PTER: variants seen among roughly 807,000 people sequenced by gnomAD.
The protein encoded by PTER is phosphotriesterase related.
PTER carries 38 observed loss-of-function variants against 29.6 expected under a neutral mutation model. The ratio of observed to expected loss-of-function variants is 1.28; its 90% CI spans 0.99 to 1.68. The LOEUF is 1.68. Among genes scored for constraint, PTER ranks in the 40% most tolerant of loss-of-function variants. The pLI is 0.00. For synonymous variants in PTER, 172 were observed against 154.5 expected (o/e 1.11, Z -0.84); for missense variants, 482 against 427.8 (o/e 1.13, Z -1.12).
At position 16,511,076 on chromosome 10, in the gene PTER, A is replaced by T. The variant is rs1836790872; in HGVS notation, c.870A>T (p.Glu290Asp). Residue 290 changes from glutamate (E) to aspartate (D), a missense_variant, in exon 5 of 5, where the codon GAA becomes GAT. By Grantham distance (45) the Glu-to-Asp change is conservative. Transcript: ENST00000535784. ...RVRLLVEEGCEDRILVAHDIH... is the reference protein window; with the variant it reads ...RVRLLVEEGCDDRILVAHDIH... Reference sequence around the variant, plus strand: ...GTCTCCTGGTGGAAGAGGGCTGTGAAGATCGAATTCTGGTAGCACATGACA... The same window carrying T: ...GTCTCCTGGTGGAAGAGGGCTGTGATGATCGAATTCTGGTAGCACATGACA... 1.2e-6 allele frequency: 2 copies of T among 1,613,906 alleles called. No individual in the cohort carries two copies. Among genetic ancestry groups the T allele is most frequent in the Non-Finnish European group, 1.7e-6 (2 of 1,179,870 alleles).
At position 16,513,124 on chromosome 10, in the gene PTER, T is replaced by G. The variant is rs931687968; in HGVS notation, c.*1868T>G. ...TCACAGAATGCAGTTAAAGTATTGATTGGCATATGGTAATAGAGCAACCAT... is the reference window on the plus strand; with the variant it reads ...TCACAGAATGCAGTTAAAGTATTGAGTGGCATATGGTAATAGAGCAACCAT... On this transcript the variant is annotated 3_prime_UTR_variant, in exon 5 of 5. Coordinates refer to ENST00000535784, the MANE Select transcript of PTER (RefSeq NM_001261836.2). 2 of 152,198 alleles carry G rather than the reference T, an allele frequency of 1.3e-5. No homozygotes were observed. Among genetic ancestry groups the G allele is most frequent in the Non-Finnish European group, 2.9e-5 (2 of 67,980 alleles). The allele number at this position is 152,198 out of a possible 1,614,324, so 9.4% of individuals were successfully genotyped here.
At chr10:16,473,638 G>T (rs1262973530) in intron 1 of PTER, among the ~76,000 whole-genome samples, 1 of 149,186 alleles carries the variant, frequency 6.7e-6, no homozygotes, top group Non-Finnish European at 1.5e-5. Flanking sequence ...GTCTCTGGCC[G>T]AATGCTGTAA....
intron 1 of PTER, among the ~76,000 whole-genome samples, chr10:16,473,627 C>T (rs557383577): frequency 2.0e-5 from 3 of 147,232 alleles, no homozygotes; most frequent in South Asian, 4.4e-4. Context: ...TCTTTTTCTT[C>T]GTCTCTGGCC....
chr10:16,487,642 A>G (rs1224206207), intron 3 of PTER, among the ~76,000 whole-genome samples: 1 of 152,224 alleles, frequency 6.6e-6, no homozygotes, highest in East Asian at 1.9e-4. Flanking sequence ...CATAGGGGAC[A>G]GTAAAATGAA....
downstream of PTER, among the ~76,000 whole-genome samples, chr10:16,517,859 A>C (rs983708063): frequency 1.1e-4 from 17 of 152,194 alleles, no homozygotes; most frequent in African/African-American, 4.1e-4. Context: ...TCATAAACAA[A>C]AGGTTAAGTG....
intron 1 of PTER, among the ~76,000 whole-genome samples, chr10:16,468,041 A>T (rs911732634): frequency 6.6e-6 from 1 of 152,112 alleles, no homozygotes; most frequent in Non-Finnish European, 1.5e-5. Context: ...AATATATTAA[A>T]TAAAGATTCC....
Position 16,505,024 on chromosome 10 carries a change from ATTC to A in PTER, c.706_708del (p.Leu236del). 6.2e-7 allele frequency: 1 copy of A among 1,613,938 alleles called. No individual in the cohort carries two copies. The highest frequency in any genetic ancestry group is 1.1e-5 in the South Asian group (1 of 91,038). On this transcript the variant is annotated inframe_deletion, in exon 4 of 5. Transcript: ENST00000535784. ...CATCTGTCGCATTGTTTCTAGGACT[ATTC>A]TTGATAAGAAAGAGCTCTTGGAGTT... is the stretch of plus-strand genomic sequence containing the variant.
rs574275299 is a variant in PTER at position 16,466,281 on chromosome 10, C to G, written c.-48-18056C>G. On this transcript the variant is annotated intron_variant, in intron 1 of 4. Coordinates refer to ENST00000535784, the MANE Select transcript of PTER (RefSeq NM_001261836.2). ...AGCTCCCTGCTAGTGGCTGTCAGAC[C>G]TTTTTCTGTTATAACTACCTTTTTT... 8.0e-4 allele frequency among the ~76,000 whole-genome samples: 118 copies of G among 146,960 alleles called. 1 individual carries two copies. The highest frequency in any genetic ancestry group is 3.0e-4 in the Non-Finnish European group (20 of 67,188).
intron 3 of PTER, among the ~76,000 whole-genome samples, chr10:16,498,245 A>C (rs1836188097): frequency 6.6e-6 from 1 of 152,192 alleles, no homozygotes; most frequent in Non-Finnish European, 1.5e-5. Context: ...CCGACCTTAA[A>C]AGCTGGGAAA....
intron 1 of PTER, among the ~76,000 whole-genome samples, chr10:16,480,251 G>A (rs568228420): frequency 5.4e-5 from 8 of 149,396 alleles, no homozygotes; most frequent in South Asian, 2.1e-4. Flanking sequence ...GTGCAGTGGC[G>A]CAATCTTGAC....
At chr10:16,463,124 C>T (rs192064015) in intron 1 of PTER, among the ~76,000 whole-genome samples, 12 of 144,192 alleles carry the variant, frequency 8.3e-5, no homozygotes, top group Admixed American at 4.4e-4. Flanking sequence ...ACCCGGGAGG[C>T]GGAGGTTGCA....
chr10:16,466,780 C>T (rs1834852313), intron 1 of PTER, among the ~76,000 whole-genome samples: 1 of 152,162 alleles, frequency 6.6e-6, no homozygotes, highest in South Asian at 2.1e-4. Flanking sequence ...TTTAGATATA[C>T]TGTATTGTTA....
intron 1 of PTER, among the ~76,000 whole-genome samples, chr10:16,459,624 A>G (rs1308986515): frequency 6.6e-6 from 1 of 152,156 alleles, no homozygotes; most frequent in Non-Finnish European, 1.5e-5. Flanking sequence ...ATTCCCTCCT[A>G]ATTATGACTC....
At chr10:16,454,667 A>T (rs1219937277) in intron 1 of PTER, among the ~76,000 whole-genome samples, 1 of 137,466 alleles carries the variant, frequency 7.3e-6, no homozygotes, top group Non-Finnish European at 1.5e-5. Context: ...AGAAAAACAT[A>T]TTTTTCTAAG....
chr10:16,443,384 C>A (rs1833911294), intron 1 of PTER, among the ~76,000 whole-genome samples: 1 of 152,182 alleles, frequency 6.6e-6, no homozygotes, highest in Non-Finnish European at 1.5e-5. Flanking sequence ...AGGGTTCGGG[C>A]TGCAACAGAC....
At chr10:16,459,030 A>C (rs966449936) in intron 1 of PTER, among the ~76,000 whole-genome samples, 1 of 152,186 alleles carries the variant, frequency 6.6e-6, no homozygotes. Context: ...GATTTTTAAA[A>C]AGCCTTAAAA....
intron 1 of PTER, among the ~76,000 whole-genome samples, chr10:16,459,746 A>G (rs1431516058): frequency 6.6e-6 from 1 of 151,694 alleles, no homozygotes; most frequent in African/African-American, 2.4e-5. Flanking sequence ...TTATTTATTT[A>G]TTTATTTATT....
intron 1 of PTER, among the ~76,000 whole-genome samples, chr10:16,469,072 A>G (rs931087782): frequency 3.9e-5 from 6 of 152,134 alleles, no homozygotes; most frequent in Non-Finnish European, 7.4e-5. Flanking sequence ...TCTTACCTGT[A>G]TTGCTTGAGC....
chr10:16,439,809 C>T (rs1300678221), intron 1 of PTER, among the ~76,000 whole-genome samples: 3 of 152,020 alleles, frequency 2.0e-5, no homozygotes, highest in African/African-American at 7.3e-5. Context: ...GTGATCTTCC[C>T]ACCTCGGCCT....
Sources: gnomAD v4.1 joint callset for allele counts (sites outside exome capture counted in the v4.1 genomes callset) on GRCh38, gnomAD v4.1.1 for gene constraint, MANE v1.5 for transcripts, NCBI Gene and HGNC (gene_info 2026-07-23, HGNC 2026-07-21) for gene names.